Variants in LRRC4C observed in about 807,000 individuals in gnomAD.
LRRC4C encodes leucine rich repeat containing 4C.
LRRC4C carries 5 observed loss-of-function variants against 33.6 expected under a neutral mutation model. The ratio of observed to expected loss-of-function variants is 0.15; its 90% CI spans 0.08 to 0.31. LRRC4C has a LOEUF of 0.31. Ranked by LOEUF, LRRC4C falls within the 10% of genes least tolerant of loss-of-function variation. The probability of loss-of-function intolerance (pLI) is 1.00; values close to 1 mark genes in which losing one functional copy is unlikely to be tolerated. For synonymous variants in LRRC4C, 329 were observed against 302.0 expected (o/e 1.09, Z -0.93); for missense variants, 560 against 796.7 (o/e 0.70, Z 3.58).
At chr11:41,133,648 A>G (rs1943124061) in intron 1 of LRRC4C, among the ~76,000 whole-genome samples, 2 of 151,716 alleles carry the variant, frequency 1.3e-5, no homozygotes, top group Admixed American at 1.3e-4. Flanking sequence ...CATTAATGTT[A>G]AAATAGAGAC....
At chr11:40,556,276 T>C (rs1462393753) in intron 3 of LRRC4C, among the ~76,000 whole-genome samples, 1 of 152,236 alleles carries the variant, frequency 6.6e-6, no homozygotes, top group East Asian at 1.9e-4. Context: ...TCAAAACATT[T>C]AATTTATAGA....
intron 2 of LRRC4C, among the ~76,000 whole-genome samples, chr11:40,682,460 A>T (rs1445737531): frequency 6.6e-6 from 1 of 152,070 alleles, no homozygotes; most frequent in African/African-American, 2.4e-5. Flanking sequence ...CTTTTCAATT[A>T]TGTAACACTT....
rs553670686 is a variant in LRRC4C at position 40,904,506 on chromosome 11, G to A, written c.-407+29129C>T. Among the ~76,000 whole-genome samples, 14 of 152,186 alleles carry A rather than the reference G, an allele frequency of 9.2e-5. No individual in the cohort carries two copies. In the East Asian group the frequency reaches 1.2e-3, roughly 13 times the overall value. On this transcript the variant is annotated intron_variant, in intron 2 of 6. Transcript: ENST00000528697. ...ATAAAGAGCTTTGCCCATGATCTCA[G>A]GATAGAATAAGAAGAGGGGGAAATC...
At chr11:40,732,602 G>C (rs949994148) in intron 2 of LRRC4C, among the ~76,000 whole-genome samples, 2 of 152,166 alleles carry the variant, frequency 1.3e-5, no homozygotes, top group African/African-American at 4.8e-5. Flanking sequence ...GAAATAGTGT[G>C]ATATCTATTC....
chr11:40,970,329 G>A (rs1851643575), intron 1 of LRRC4C, among the ~76,000 whole-genome samples: 1 of 152,100 alleles, frequency 6.6e-6, no homozygotes, highest in South Asian at 2.1e-4. Flanking sequence ...TTGTGATAGT[G>A]ATTTCTCTGG....
At chr11:40,409,875 T>C (rs765746812) in intron 3 of LRRC4C, among the ~76,000 whole-genome samples, 1 of 152,066 alleles carries the variant, frequency 6.6e-6, no homozygotes, top group Non-Finnish European at 1.5e-5. Flanking sequence ...CAAAAAATAG[T>C]GTGTGAAGTA....
chr11:40,495,115 C>G (rs1008369924), intron 3 of LRRC4C, among the ~76,000 whole-genome samples: 2 of 152,122 alleles, frequency 1.3e-5, no homozygotes, highest in African/African-American at 4.8e-5. Context: ...CTATTCCCAA[C>G]AGATTATTTG....
intron 2 of LRRC4C, among the ~76,000 whole-genome samples, chr11:40,793,157 A>G (rs972572022): frequency 3.3e-5 from 5 of 152,164 alleles, no homozygotes; most frequent in Non-Finnish European, 7.3e-5. Context: ...AAAATAAAAA[A>G]AGAAATCTTA....
chr11:41,245,063 G>T (rs76585052), intron 1 of LRRC4C, among the ~76,000 whole-genome samples: 3 of 152,120 alleles, frequency 2.0e-5, no homozygotes, highest in South Asian at 4.1e-4. Flanking sequence ...ATCCTGAGAC[G>T]TTGGTTATGT....
At chr11:40,176,439 A>G (rs1860492187) in intron 5 of LRRC4C, among the ~76,000 whole-genome samples, 1 of 152,190 alleles carries the variant, frequency 6.6e-6, no homozygotes, top group African/African-American at 2.4e-5. Flanking sequence ...AATGAATGAG[A>G]TTAAGAGATA....
intron 3 of LRRC4C, among the ~76,000 whole-genome samples, chr11:40,602,778 A>G (rs922911488): frequency 3.9e-5 from 6 of 152,184 alleles, no homozygotes; most frequent in African/African-American, 1.4e-4. Flanking sequence ...CAGCAGGTAC[A>G]GTGTTGGGTT....
At chr11:40,946,859 C>T (rs1197598360) in intron 1 of LRRC4C, among the ~76,000 whole-genome samples, 8 of 152,160 alleles carry the variant, frequency 5.3e-5, no homozygotes, top group East Asian at 1.9e-4. Context: ...ATTGACCACA[C>T]GCTCAACCAT....
At chr11:40,820,678 T>C (rs1327631291) in intron 2 of LRRC4C, among the ~76,000 whole-genome samples, 1 of 151,872 alleles carries the variant, frequency 6.6e-6, no homozygotes, top group Non-Finnish European at 1.5e-5. Context: ...AAACTAGGAA[T>C]AGAAGTAAAC....
intron 2 of LRRC4C, among the ~76,000 whole-genome samples, chr11:40,715,303 C>T (rs1946650435): frequency 6.6e-6 from 1 of 152,112 alleles, no homozygotes; most frequent in African/African-American, 2.4e-5. Context: ...AAATAGTTTT[C>T]ACTAGTAATC....
At chr11:40,570,449 A>T (rs1957938390) in intron 3 of LRRC4C, among the ~76,000 whole-genome samples, 1 of 152,192 alleles carries the variant, frequency 6.6e-6, no homozygotes, top group Non-Finnish European at 1.5e-5. Flanking sequence ...TCCTGCTCAC[A>T]ATACAGATAC....
intron 1 of LRRC4C, among the ~76,000 whole-genome samples, chr11:41,128,505 T>G (rs1181460651): frequency 6.6e-6 from 1 of 152,090 alleles, no homozygotes; most frequent in African/African-American, 2.4e-5. Flanking sequence ...AATAATATTC[T>G]ATTCTAAAGT....
chr11:40,402,061 A>G (rs1590622806), intron 3 of LRRC4C, among the ~76,000 whole-genome samples: 1 of 152,054 alleles, frequency 6.6e-6, no homozygotes, highest in East Asian at 1.9e-4. Context: ...GAGAGTTTCA[A>G]TGTTGACAGG....
chr11:41,163,344 C>T (rs762032306), intron 1 of LRRC4C, among the ~76,000 whole-genome samples: 13 of 119,794 alleles, frequency 1.1e-4, no homozygotes, highest in South Asian at 5.9e-4. Context: ...AGTGCAGTGG[C>T]GCAATCTCTG....
intron 3 of LRRC4C, among the ~76,000 whole-genome samples, chr11:40,348,739 A>G (rs1204023516): frequency 6.6e-6 from 1 of 152,228 alleles, no homozygotes; most frequent in Non-Finnish European, 1.5e-5. Flanking sequence ...TATGATGGAA[A>G]CTATAATAAT....
Sources: allele counts gnomAD v4.1 joint callset (sites outside exome capture counted in the v4.1 genomes callset), GRCh38; gene constraint gnomAD v4.1.1; transcripts MANE v1.5; gene names NCBI Gene and HGNC (gene_info 2026-07-23, HGNC 2026-07-21).